The following PLCE1 variants were observed in gnomAD, a reference collection of about 807,000 sequenced individuals.
PLCE1 encodes the protein phospholipase C epsilon 1, also known as 1-phosphatidylinositol 4,5-bisphosphate phosphodiesterase epsilon-1.
PLCE1 carries 119 observed loss-of-function variants against 242.8 expected under a neutral mutation model. The ratio of observed to expected loss-of-function variants is 0.49; its 90% CI spans 0.42 to 0.57. The LOEUF (loss-of-function observed/expected upper bound fraction) is 0.57. PLCE1 is among the 20% of genes least tolerant of loss of function. PLCE1 has a pLI of 0.00. For synonymous variants in PLCE1, 945 were observed against 1,017.4 expected, an observed-to-expected ratio of 0.93 and a Z score of 1.35; for missense variants, 2,441 against 2,788.8, an observed-to-expected ratio of 0.88 and a Z score of 2.81.
At position 94,032,210 on chromosome 10, in the gene PLCE1, G is replaced by A. The variant is rs748941618; in HGVS notation, c.1164G>A (p.Arg388=). Residue 388 remains arginine, a synonymous_variant, in exon 2 of 33, where the codon AGG becomes AGA. Coordinates refer to ENST00000371380, the MANE Select transcript of PLCE1 (RefSeq NM_016341.4). ...AACCCCCGTCAACAGTGGAGATAAGGCAAGATGGGAGCCAACGTCTGTCAG... is the reference window on the plus strand; with the variant it reads ...AACCCCCGTCAACAGTGGAGATAAGACAAGATGGGAGCCAACGTCTGTCAG... ...VMEPPSTVEI[R]QDGSQRLSEA... The A allele has an allele frequency of 1.2e-6, 2 of 1,613,206 alleles. No individual in the cohort carries two copies. Among genetic ancestry groups the A allele is most frequent in the African/African-American group, 2.7e-5 (2 of 74,970 alleles).
In PLCE1 at chr10:94,302,685, G is replaced by A. The variant is rs541218461; in HGVS notation, c.5459-1797G>A. ...GATTTATAGCATCCACCACTTACTC[G>A]TTATGTTTCTTGGGTGTTTTCACTT... On this transcript the variant is annotated intron_variant, in intron 24 of 32. Coordinates refer to ENST00000371380, the MANE Select transcript of PLCE1 (RefSeq NM_016341.4). Among the ~76,000 whole-genome samples the A allele has an allele frequency of 3.5e-4, 53 of 152,216 alleles. 2 individuals are homozygous for A. The Middle Eastern group carries it at 0.01, about 29-fold the overall frequency.
intron 1 of PLCE1, among the ~76,000 whole-genome samples, chr10:94,021,498 T>C (rs2061376887): frequency 6.6e-6 from 1 of 152,158 alleles, no homozygotes; most frequent in Non-Finnish European, 1.5e-5. Context: ...GCACCATTTA[T>C]TGACTGCCCT....
chr10:94,126,954 T>C (rs1420856964), intron 2 of PLCE1, among the ~76,000 whole-genome samples: 2 of 152,202 alleles, frequency 1.3e-5, no homozygotes, highest in Admixed American at 1.3e-4. Context: ...GATAGTGCAA[T>C]GGATAAAGCT....
At chr10:94,179,471 T>G (rs1000039960) in intron 4 of PLCE1, among the ~76,000 whole-genome samples, 1 of 151,702 alleles carries the variant, frequency 6.6e-6, no homozygotes, top group Non-Finnish European at 1.5e-5. Context: ...TCAAGCCAGA[T>G]ACCTAACCCT....
chr10:94,023,546 T>C (rs1357397436), intron 1 of PLCE1, among the ~76,000 whole-genome samples: 1 of 152,150 alleles, frequency 6.6e-6, no homozygotes, highest in Non-Finnish European at 1.5e-5. Flanking sequence ...TACATTCTAC[T>C]AACATCAATG....
At chr10:94,269,182 A>T in intron 17 of PLCE1, 146 bp downstream of exon 17, 3 of 548,748 alleles carry the variant, frequency 5.5e-6, no homozygotes, top group South Asian at 1.8e-5. Context: ...GCTCACTGCA[A>T]CCTCTGCCTC....
At chr10:94,185,825 T>C (rs1049498932) in intron 4 of PLCE1, among the ~76,000 whole-genome samples, 1 of 152,204 alleles carries the variant, frequency 6.6e-6, no homozygotes, top group Non-Finnish European at 1.5e-5. Context: ...GCTTTGGAGA[T>C]TGGGAAGGCT....
intron 1 of PLCE1, among the ~76,000 whole-genome samples, chr10:94,007,699 CTTTT>C (rs80098906): frequency 1.6e-4 from 10 of 64,140 alleles, no homozygotes; most frequent in African/African-American, 5.4e-4. Context: ...AGCCTACTTT[CTTTT>C]TTTTTTTTTT....
rs2051494450 is a variant in PLCE1 at position 94,265,824 on chromosome 10, A to G, written c.4147A>G (p.Lys1383Glu). Residue 1383 changes from lysine (K) to glutamate (E), a missense_variant, in exon 16 of 33, where the codon AAA becomes GAA. By Grantham distance (56) the Lys-to-Glu change is moderately conservative. Coordinates refer to ENST00000371380, the MANE Select transcript of PLCE1 (RefSeq NM_016341.4). The stretch of plus-strand genomic sequence containing the variant: ...GATGGATAAAGAAAATTTTGCCTCA[A>G]AAAATGATGAGTCACAGGAGAACAT... Reference protein sequence around the residue: ...FLMDKENFASKNDESQENIKE... With the variant: ...FLMDKENFASENDESQENIKE... 2 of 1,614,134 alleles carry G rather than the reference A, an allele frequency of 1.2e-6. No individual in the cohort carries two copies. Among genetic ancestry groups the G allele is most frequent in the Non-Finnish European group, 1.7e-6 (2 of 1,180,002 alleles).
At chr10:94,297,590 T>TAAAAA (rs71031568) in intron 23 of PLCE1, among the ~76,000 whole-genome samples, 8 of 56,576 alleles carry the variant, frequency 1.4e-4, no homozygotes, top group African/African-American at 2.8e-4. Flanking sequence ...TTTAAATTTG[T>TAAAAA]AAAAAAAAAA....
At chr10:94,045,928 G>C (rs186341534) in intron 2 of PLCE1, among the ~76,000 whole-genome samples, 1 of 151,074 alleles carries the variant, frequency 6.6e-6, no homozygotes, top group Admixed American at 6.6e-5. Flanking sequence ...GTGAAACTCC[G>C]TGTCTAATAA....
At chr10:94,133,206 C>T (rs1055516988) in intron 3 of PLCE1, among the ~76,000 whole-genome samples, 2 of 152,136 alleles carry the variant, frequency 1.3e-5, no homozygotes, top group Middle Eastern at 3.4e-3. Flanking sequence ...TGTCTATTGA[C>T]CAGAAAAGCC....
chr10:94,253,009 G>A (rs1331654076), intron 9 of PLCE1, among the ~76,000 whole-genome samples: 1 of 152,182 alleles, frequency 6.6e-6, no homozygotes, highest in Non-Finnish European at 1.5e-5. Context: ...GAAGAGAACA[G>A]AGATCACAGA....
chr10:94,038,485 AAC>A (rs2061708315), intron 2 of PLCE1, among the ~76,000 whole-genome samples: 1 of 152,084 alleles, frequency 6.6e-6, no homozygotes, highest in Non-Finnish European at 1.5e-5. Context: ...CTGAACCCCT[AAC>A]CCCAAGGCTC....
At chr10:94,039,003 G>A (rs1418112988) in intron 2 of PLCE1, among the ~76,000 whole-genome samples, 1 of 152,092 alleles carries the variant, frequency 6.6e-6, no homozygotes, top group African/African-American at 2.4e-5. Flanking sequence ...CTTGTGACTG[G>A]CTTCTTTCAC....
intron 2 of PLCE1, among the ~76,000 whole-genome samples, chr10:94,037,968 A>G (rs2134589462): frequency 6.6e-6 from 1 of 152,280 alleles, no homozygotes; most frequent in Middle Eastern, 3.4e-3. Context: ...CATAATGGGA[A>G]TTAGCAGCTG....
chr10:94,132,610 T>C (rs2046635279), intron 3 of PLCE1, 151 bp downstream of exon 3: 1 of 767,580 alleles, frequency 1.3e-6, no homozygotes, highest in Non-Finnish European at 2.2e-6. Flanking sequence ...AAAAAGGTGG[T>C]CCCTTATTAA....
chr10:94,326,106 C>T (rs535205272), intron 32 of PLCE1, among the ~76,000 whole-genome samples: 1 of 152,194 alleles, frequency 6.6e-6, no homozygotes, highest in African/African-American at 2.4e-5. Context: ...CCTAATGAAC[C>T]TAAGGGTTCA....
intron 2 of PLCE1, among the ~76,000 whole-genome samples, chr10:94,114,129 C>G (rs986590837): frequency 1.4e-4 from 22 of 152,188 alleles, no homozygotes; most frequent in Admixed American, 6.5e-4. Flanking sequence ...ACCTTACATT[C>G]TTTGAATGGT....
Sources: gnomAD v4.1 joint callset for allele counts (sites outside exome capture counted in the v4.1 genomes callset) on GRCh38, gnomAD v4.1.1 for gene constraint, MANE v1.5 for transcripts, NCBI Gene and HGNC (gene_info 2026-07-23, HGNC 2026-07-21) for gene names.